The following ATR variants were observed in gnomAD, a reference collection of about 807,000 sequenced individuals.
The protein encoded by ATR is ATR checkpoint kinase.
In ATR, 142 loss-of-function variants were observed where a neutral mutation model predicts 305.3. The observed-to-expected ratio is 0.47, with a 90% CI of 0.41 to 0.53. The LOEUF (loss-of-function observed/expected upper bound fraction) is 0.53. Ranked by LOEUF, ATR falls within the 20% of genes least tolerant of loss-of-function variation. The pLI is 0.00. For synonymous variants in ATR, 1,050 were observed against 1,068.1 expected, an observed-to-expected ratio of 0.98 and a Z score of 0.33; for missense variants, 2,135 against 3,133.1, an observed-to-expected ratio of 0.68 and a Z score of 7.60.
rs1559998909 is a variant in ATR, at chr3:142,562,786, C to CA, written c.615dup (p.Glu206Ter). The CA allele has an allele frequency of 6.2e-7, 1 of 1,607,438 alleles. No individual in the cohort carries two copies. Among genetic ancestry groups the CA allele is most frequent in the South Asian group, 1.1e-5 (1 of 89,626 alleles). Reference sequence around the variant, plus strand: ...GTAAGAACCATTAATAAAGTGACTTCAATAAATTCTAAATTTTGCATACTC... The same window carrying CA: ...GTAAGAACCATTAATAAAGTGACTTCAAATAAATTCTAAATTTTGCATACTC... On this transcript the variant is annotated frameshift_variant, in exon 4 of 47. Coordinates refer to ENST00000350721, the MANE Select transcript of ATR (RefSeq NM_001184.4). LOFTEE classifies it high-confidence loss of function.
chr3:142,474,382 A>C (rs986341644), intron 36 of ATR, among the ~76,000 whole-genome samples: 5 of 152,154 alleles, frequency 3.3e-5, no homozygotes, highest in Admixed American at 6.5e-5. Context: ...ATATCTTTCC[A>C]TTTGTTCATG....
At chr3:142,455,360 C>T (rs2070881507) in intron 45 of ATR, among the ~76,000 whole-genome samples, 1 of 152,144 alleles carries the variant, frequency 6.6e-6, no homozygotes, top group Non-Finnish European at 1.5e-5. Context: ...CAGCAATACT[C>T]CCTAATTGAT....
chr3:142,545,715 G>C (rs535229283), intron 16 of ATR, among the ~76,000 whole-genome samples: 2 of 152,250 alleles, frequency 1.3e-5, no homozygotes, highest in African/African-American at 4.8e-5. Flanking sequence ...TTGTGTAAGG[G>C]TGGTGGTGGC....
intron 45 of ATR, among the ~76,000 whole-genome samples, chr3:142,455,482 G>C (rs571444768): frequency 5.3e-5 from 8 of 152,196 alleles, no homozygotes; most frequent in African/African-American, 1.9e-4. Flanking sequence ...AGCAAAGTTG[G>C]AACACTCACA....
At chr3:142,544,621 C>CAAAAAAAAAAAAAAAAA (rs71153972) in intron 16 of ATR, among the ~76,000 whole-genome samples, 1 of 83,630 alleles carries the variant, frequency 1.2e-5, no homozygotes, top group Non-Finnish European at 2.4e-5. Flanking sequence ...AAGAAAGGAG[C>CAAAAAAAAAAAAAAAAA]AAAAAAAAAA....
intron 41 of ATR, among the ~76,000 whole-genome samples, chr3:142,464,594 G>A (rs1035544165): frequency 6.6e-6 from 1 of 152,186 alleles, no homozygotes; most frequent in African/African-American, 2.4e-5. Context: ...AATGAACTTT[G>A]AATAATGCCA....
intron 30 of ATR, 59 bp from the exon 31 acceptor site, chr3:142,499,777 T>G: frequency 7.1e-7 from 1 of 1,415,528 alleles, no homozygotes; most frequent in East Asian, 2.3e-5. Flanking sequence ...CATTCAGAGA[T>G]TTTTCATTGG....
At chr3:142,452,182 C>A (rs1242676759) in intron 46 of ATR, 1 of 1,007,532 alleles carries the variant, frequency 9.9e-7, no homozygotes, top group Non-Finnish European at 1.2e-6. Flanking sequence ...ACAGGTCTAG[C>A]CTTCCTCGAG....
In ATR at chr3:142,563,114, G is replaced by A; in HGVS notation, c.293-5C>T. On this transcript the variant is annotated splice_polypyrimidine_tract_variant and splice_region_variant and intron_variant, in intron 3 of 46. Transcript: ENST00000350721. Reference sequence around the variant, plus strand: ...TTATGATCCAATTACTGAATTCTTTGAAATAAACAAAAAAGATATTAAATA... The same window carrying A: ...TTATGATCCAATTACTGAATTCTTTAAAATAAACAAAAAAGATATTAAATA... The A allele has an allele frequency of 6.3e-7, 1 of 1,597,228 alleles. No individual in the cohort carries two copies. Among genetic ancestry groups the A allele is most frequent in the Non-Finnish European group, 8.5e-7 (1 of 1,174,666 alleles).
Position 142,557,171 on chromosome 3 carries a change from CT to C in ATR, c.1886-597del, listed in dbSNP as rs199726179. ...ATTCCCCATTTCTTTCTTTCTCTCT[CT>C]TTTTTTTTAATGTGCTCTTTCAGCA... On this transcript the variant is annotated intron_variant, in intron 8 of 46. Coordinates refer to ENST00000350721, the MANE Select transcript of ATR (RefSeq NM_001184.4). 3.7e-4 allele frequency among the ~76,000 whole-genome samples: 56 copies of C among 151,008 alleles called. No homozygotes were observed. In the East Asian group the frequency reaches 9.7e-3, roughly 26 times the overall value.
intron 21 of ATR, among the ~76,000 whole-genome samples, chr3:142,532,298 G>A (rs1032755892): frequency 1.3e-5 from 2 of 152,024 alleles, no homozygotes; most frequent in South Asian, 2.1e-4. Flanking sequence ...GTTAGTAAAT[G>A]TCATTTTATT....
chr3:142,571,794 GCT>G (rs1454195281), intron 1 of ATR, among the ~76,000 whole-genome samples: 2 of 152,020 alleles, frequency 1.3e-5, no homozygotes, highest in Non-Finnish European at 2.9e-5. Flanking sequence ...ACAGAGTCTC[GCT>G]CTGTCGGCCA....
chr3:142,485,729 A>C (rs1011096946), intron 35 of ATR, among the ~76,000 whole-genome samples: 1 of 152,324 alleles, frequency 6.6e-6, no homozygotes, highest in Admixed American at 6.5e-5. Context: ...AAAAGCATAA[A>C]AATTTTGGTA....
intron 35 of ATR, among the ~76,000 whole-genome samples, chr3:142,491,729 T>C (rs1369297492): frequency 6.6e-6 from 1 of 152,220 alleles, no homozygotes; most frequent in Non-Finnish European, 1.5e-5. Context: ...CTCCTATTTA[T>C]CTTCATCAGA....
chr3:142,520,652 G>T (rs2033107118), intron 23 of ATR, among the ~76,000 whole-genome samples: 1 of 152,044 alleles, frequency 6.6e-6, no homozygotes, highest in South Asian at 2.1e-4. Flanking sequence ...TATGAAATCT[G>T]AGAGAGGAGA....
intron 10 of ATR, among the ~76,000 whole-genome samples, chr3:142,555,081 C>CA (rs2034615518): frequency 1.3e-5 from 2 of 151,218 alleles, no homozygotes; most frequent in African/African-American, 4.9e-5. Flanking sequence ...ACTAAAAATG[C>CA]AAAAATTTGC....
chr3:142,515,091 T>A (rs1577610422), intron 25 of ATR, among the ~76,000 whole-genome samples: 1 of 152,222 alleles, frequency 6.6e-6, no homozygotes, highest in African/African-American at 2.4e-5. Context: ...TAAAAAACTC[T>A]GACATAGCAT....
chr3:142,456,591 T>TA (rs1413021130), intron 45 of ATR, among the ~76,000 whole-genome samples: 1 of 150,448 alleles, frequency 6.6e-6, no homozygotes, highest in Non-Finnish European at 1.5e-5. Context: ...AAAAAAAGAA[T>TA]AAAAAAACCC....
chr3:142,489,764 T>G (rs895980726), intron 35 of ATR, among the ~76,000 whole-genome samples: 2 of 152,186 alleles, frequency 1.3e-5, no homozygotes, highest in African/African-American at 4.8e-5. Context: ...CTATAAACAT[T>G]TGTGTACAAG....
Sources: allele counts gnomAD v4.1 joint callset (sites outside exome capture counted in the v4.1 genomes callset), GRCh38; gene constraint gnomAD v4.1.1; transcripts MANE v1.5; gene names NCBI Gene and HGNC (gene_info 2026-07-23, HGNC 2026-07-21).